The following NCOA2 variants were observed in gnomAD, a reference collection of about 807,000 sequenced individuals.
NCOA2 encodes the protein class E basic helix-loop-helix protein 75.
A neutral mutation model predicts 145.1 loss-of-function variants in NCOA2; 21 were observed. That is an observed-to-expected ratio of 0.14 (90% CI 0.10 to 0.21). The LOEUF is 0.21. NCOA2 is among the 10% of genes least tolerant of loss of function. The pLI is 1.00. For synonymous variants in NCOA2, 619 were observed against 637.5 expected (o/e 0.97, Z 0.44); for missense variants, 1,472 against 1,837.6 (o/e 0.80, Z 3.64).
intron 3 of NCOA2, among the ~76,000 whole-genome samples, chr8:70,214,841 G>T (rs1819429404): frequency 6.6e-6 from 1 of 152,036 alleles, no homozygotes; most frequent in African/African-American, 2.4e-5. Flanking sequence ...TTTCTCAAGT[G>T]CAAAGGGGGG....
intron 1 of NCOA2, among the ~76,000 whole-genome samples, chr8:70,383,677 G>T (rs1812413278): frequency 1.3e-5 from 2 of 152,068 alleles, no homozygotes; most frequent in South Asian, 4.2e-4. Context: ...GGCTAATTTT[G>T]TATTTTTAGT....
At chr8:70,289,735 G>A (rs1447220204) in intron 2 of NCOA2, among the ~76,000 whole-genome samples, 1 of 152,186 alleles carries the variant, frequency 6.6e-6, no homozygotes, top group Non-Finnish European at 1.5e-5. Context: ...TTGCATGGAA[G>A]CATGCAGTTA....
In NCOA2 at chr8:70,325,389, C is replaced by CAG. The variant is rs770495898; in HGVS notation, c.-76-28590_-76-28589insCT. ...AATTAACAAAGGGCAGTCTCTCACT[C>CAG]ATTCACTCATTCTACTAATTTAATA... On this transcript the variant is annotated intron_variant, in intron 1 of 22. Transcript: ENST00000452400. Among the ~76,000 whole-genome samples, 78 of 152,134 alleles carry CAG rather than the reference C, an allele frequency of 5.1e-4. 1 individual carries two copies. The highest frequency in any genetic ancestry group is 8.5e-4 in the Admixed American group (13 of 15,274).
chr8:70,386,592 G>A (rs1812690451), intron 1 of NCOA2, among the ~76,000 whole-genome samples: 1 of 151,940 alleles, frequency 6.6e-6, no homozygotes, highest in Non-Finnish European at 1.5e-5. Context: ...CAATAGAGAG[G>A]GGCCATACTT....
intron 15 of NCOA2, among the ~76,000 whole-genome samples, chr8:70,135,527 GT>G (rs1268041118): frequency 6.6e-6 from 1 of 152,164 alleles, no homozygotes; most frequent in Non-Finnish European, 1.5e-5. Context: ...GTGGCTTGGT[GT>G]TATAAATTTG....
At chr8:70,416,871 T>C in the NCOA2 span, among the ~76,000 whole-genome samples, 1 of 152,224 alleles carries the variant, frequency 6.6e-6, no homozygotes, top group African/African-American at 2.4e-5. Context: ...CCTTGGGGAT[T>C]AAGTTTCTAA....
chr8:70,241,611 C>T (rs936470746), intron 2 of NCOA2, among the ~76,000 whole-genome samples: 9 of 152,136 alleles, frequency 5.9e-5, no homozygotes, highest in Non-Finnish European at 1.3e-4. Flanking sequence ...ATCAGCAAAT[C>T]TAACTGAACC....
chr8:70,141,262 G>C lies in NCOA2; in HGVS notation c.2950C>G (p.Pro984Ala). ...RPVQGGMIRNPAASIPMRPSS... is the reference protein window; with the variant it reads ...RPVQGGMIRNAAASIPMRPSS... Reference sequence around the variant, plus strand: ...GGCCTCATGGGGATGCTGGCTGCTGGGTTCCGAATCATACCTCCTTGGACT... The same window carrying C: ...GGCCTCATGGGGATGCTGGCTGCTGCGTTCCGAATCATACCTCCTTGGACT... Residue 984 changes from proline (P) to alanine (A), a missense_variant, in exon 14 of 23, where the codon CCA (proline) becomes GCA (alanine). Coordinates refer to ENST00000452400, the MANE Select transcript of NCOA2 (RefSeq NM_006540.4). 5.0e-6 allele frequency: 8 copies of C among 1,613,888 alleles called. No homozygotes were observed. Among genetic ancestry groups the C allele is most frequent in the Non-Finnish European group, 6.8e-6 (8 of 1,179,874 alleles).
intron 18 of NCOA2, among the ~76,000 whole-genome samples, chr8:70,127,782 T>A (rs1169795939): frequency 6.6e-6 from 1 of 152,204 alleles, no homozygotes; most frequent in African/African-American, 2.4e-5. Context: ...ATTTCAGATA[T>A]GCAATGTGCA....
chr8:70,218,767 A>G (rs1204561922), intron 2 of NCOA2, among the ~76,000 whole-genome samples: 1 of 152,196 alleles, frequency 6.6e-6, no homozygotes, highest in Non-Finnish European at 1.5e-5. Flanking sequence ...TTCACTCTGA[A>G]AGCAGCTTTC....
chr8:70,164,310 C>G (rs1182909365), intron 7 of NCOA2, among the ~76,000 whole-genome samples: 1 of 152,170 alleles, frequency 6.6e-6, no homozygotes, highest in Non-Finnish European at 1.5e-5. Context: ...TTGTAACATG[C>G]AGAGTACTCT....
rs1585964503 is a variant in NCOA2 at position 70,175,854 on chromosome 8, T to C, written c.260-995A>G. Among the ~76,000 whole-genome samples, 3 of 142,994 alleles carry C rather than the reference T, an allele frequency of 2.1e-5. No homozygotes were observed. In the South Asian group the frequency reaches 6.6e-4, roughly 31 times the overall value. 93.8% of individuals were successfully genotyped at this position (142,994 alleles called of 152,430 possible). Reference sequence around the variant, plus strand: ...TTTAGCACTCAGAATTAACCTGCTTTCAGAACCTTAATAATTTTTTTTTTT... The same window carrying C: ...TTTAGCACTCAGAATTAACCTGCTTCCAGAACCTTAATAATTTTTTTTTTT... On this transcript the variant is annotated intron_variant, in intron 4 of 22. Coordinates refer to ENST00000452400, the MANE Select transcript of NCOA2 (RefSeq NM_006540.4).
chr8:70,195,348 G>C (rs1817179184), intron 4 of NCOA2, among the ~76,000 whole-genome samples: 1 of 152,172 alleles, frequency 6.6e-6, no homozygotes, highest in South Asian at 2.1e-4. Flanking sequence ...GTAAACACTA[G>C]AGTGATGAAC....
intron 1 of NCOA2, among the ~76,000 whole-genome samples, chr8:70,304,640 G>GT (rs1237224188): frequency 1.3e-5 from 2 of 150,622 alleles, no homozygotes; most frequent in Non-Finnish European, 3.0e-5. Context: ...TAATTTTTTT[G>GT]TTTTTTTGTT....
chr8:70,224,210 A>G (rs1032788158), intron 2 of NCOA2, among the ~76,000 whole-genome samples: 1 of 152,232 alleles, frequency 6.6e-6, no homozygotes, highest in Non-Finnish European at 1.5e-5. Flanking sequence ...TATTTTTGTT[A>G]TTACTGAATT....
At chr8:70,414,041 AT>A in the NCOA2 span, among the ~76,000 whole-genome samples, 1 of 152,186 alleles carries the variant, frequency 6.6e-6, no homozygotes, top group Non-Finnish European at 1.5e-5. Context: ...TATATATGAT[AT>A]TTAGTTTAAA....
chr8:70,452,197 A>G, the NCOA2 span, among the ~76,000 whole-genome samples: 1 of 152,196 alleles, frequency 6.6e-6, no homozygotes, highest in Non-Finnish European at 1.5e-5. Flanking sequence ...GCTGGTCTCA[A>G]ACTCCTGGGA....
At chr8:70,267,205 A>G (rs1055097821) in intron 2 of NCOA2, among the ~76,000 whole-genome samples, 12 of 152,206 alleles carry the variant, frequency 7.9e-5, no homozygotes, top group African/African-American at 2.9e-4. Context: ...GAGAATATTT[A>G]CACCTACCTG....
At chr8:70,181,626 C>G (rs935553445) in intron 4 of NCOA2, among the ~76,000 whole-genome samples, 1 of 152,140 alleles carries the variant, frequency 6.6e-6, no homozygotes, top group East Asian at 1.9e-4. Context: ...GAATCTCTGA[C>G]TAAAATGGAA....
Sources: allele counts gnomAD v4.1 joint callset (sites outside exome capture counted in the v4.1 genomes callset), GRCh38; gene constraint gnomAD v4.1.1; transcripts MANE v1.5; gene names NCBI Gene and HGNC (gene_info 2026-07-23, HGNC 2026-07-21).